ADAMTS19: variants seen among roughly 807,000 people sequenced by gnomAD.
The protein encoded by ADAMTS19 is ADAM metallopeptidase with thrombospondin type 1 motif 19, also known as A disintegrin and metalloproteinase with thrombospondin motifs 19.
Under a neutral mutation model 153.3 loss-of-function variants are expected in ADAMTS19, and 93 were observed. The ratio of observed to expected loss-of-function variants is 0.61; its 90% CI spans 0.51 to 0.72. The LOEUF is 0.72. ADAMTS19 is among the 30% of genes least tolerant of loss of function. ADAMTS19 has a pLI of 0.00. For synonymous variants in ADAMTS19, 600 were observed against 556.6 expected (o/e 1.08, Z -1.10); for missense variants, 1,482 against 1,552.1 (o/e 0.95, Z 0.76).
intron 6 of ADAMTS19, among the ~76,000 whole-genome samples, chr5:129,536,345 A>G (rs1297384091): frequency 2.6e-5 from 4 of 152,206 alleles, no homozygotes; most frequent in Non-Finnish European, 4.4e-5. Flanking sequence ...AAAAATGCAA[A>G]TCAAAACCAC....
At chr5:129,619,962 GAGT>G (rs1238425424) in intron 8 of ADAMTS19, among the ~76,000 whole-genome samples, 2 of 151,944 alleles carry the variant, frequency 1.3e-5, no homozygotes, top group Non-Finnish European at 2.9e-5. Flanking sequence ...TAGAATAGAG[GAGT>G]AAGTAGAGAA....
At chr5:129,497,137 A>C (rs1027580092) in intron 2 of ADAMTS19, among the ~76,000 whole-genome samples, 1 of 152,094 alleles carries the variant, frequency 6.6e-6, no homozygotes, top group Admixed American at 6.6e-5. Flanking sequence ...GCTTCCTCCG[A>C]GTGAACTAAA....
In ADAMTS19 at chr5:129,632,851, A is replaced by G. The variant is rs192991422; in HGVS notation, c.1771-9008A>G. Among the ~76,000 whole-genome samples the G allele has an allele frequency of 1.1e-3, 163 of 152,202 alleles. 1 individual carries two copies. Among genetic ancestry groups the G allele is most frequent in the Middle Eastern group, 3.4e-3 (1 of 292 alleles). On this transcript the variant is annotated intron_variant, in intron 10 of 22. Coordinates refer to ENST00000274487, the MANE Select transcript of ADAMTS19 (RefSeq NM_133638.6). The stretch of plus-strand genomic sequence containing the variant: ...ATCTTTGGTTTTCAGAAGCTTGACT[A>G]TAATGTGTCTACATATAATTTACTG...
At chr5:129,613,506 T>C (rs949572779) in intron 8 of ADAMTS19, among the ~76,000 whole-genome samples, 1 of 151,968 alleles carries the variant, frequency 6.6e-6, no homozygotes, top group African/African-American at 2.4e-5. Flanking sequence ...AGACACAACA[T>C]ACCAGAATCT....
intron 7 of ADAMTS19, among the ~76,000 whole-genome samples, chr5:129,588,068 AG>A (rs1395503831): frequency 1.7e-4 from 26 of 152,314 alleles, no homozygotes; most frequent in Middle Eastern, 6.8e-3. Flanking sequence ...TGTTCCCAAC[AG>A]GAATATTGGA....
chr5:129,550,082 A>T (rs1178560982), intron 6 of ADAMTS19, among the ~76,000 whole-genome samples: 1 of 98,326 alleles, frequency 1.0e-5, no homozygotes, highest in Non-Finnish European at 2.0e-5. Flanking sequence ...ATACATATAC[A>T]TGTATCTGTA....
chr5:129,561,819 A>ATCTATCTATCTAT (rs138761227), intron 7 of ADAMTS19, among the ~76,000 whole-genome samples: 2 of 148,060 alleles, frequency 1.4e-5, no homozygotes, highest in African/African-American at 5.0e-5. Context: ...ATTTCACCCT[A>ATCTATCTATCTAT]CTATCTATCT....
chr5:129,579,403 A>T (rs1749392100), intron 7 of ADAMTS19, among the ~76,000 whole-genome samples: 1 of 152,098 alleles, frequency 6.6e-6, no homozygotes, highest in Non-Finnish European at 1.5e-5. Flanking sequence ...GTTCACTCTG[A>T]TGGTAGTTTC....
intron 14 of ADAMTS19, among the ~76,000 whole-genome samples, chr5:129,656,354 A>G (rs1753546803): frequency 6.6e-6 from 1 of 152,212 alleles, no homozygotes; most frequent in African/African-American, 2.4e-5. Flanking sequence ...TTTTCTGACA[A>G]CCCTCAACAA....
intron 3 of ADAMTS19, among the ~76,000 whole-genome samples, chr5:129,521,346 T>C (rs1751791049): frequency 6.6e-6 from 1 of 152,136 alleles, no homozygotes; most frequent in Non-Finnish European, 1.5e-5. Context: ...ATCAAATAAA[T>C]ATGAAGATTC....
chr5:129,671,457 A>C (rs1754297292), intron 16 of ADAMTS19, among the ~76,000 whole-genome samples: 1 of 152,212 alleles, frequency 6.6e-6, no homozygotes, highest in South Asian at 2.1e-4. Context: ...GATGCATTTC[A>C]TAAATCACAT....
Position 129,603,254 on chromosome 5 carries a change from C to T in ADAMTS19, c.1478+6590C>T, listed in dbSNP as rs186503029. 4.6e-3 allele frequency among the ~76,000 whole-genome samples: 705 copies of T among 152,254 alleles called. 6 individuals are homozygous for T. The highest frequency in any genetic ancestry group is 7.3e-3 in the Non-Finnish European group (499 of 68,026). On this transcript the variant is annotated intron_variant, in intron 8 of 22. Transcript: ENST00000274487. ...AAGTCAGTGTTGCACTAGGAAGTTG[C>T]GTGTGAGTTGCCAGAAAGCCATTAT... is the stretch of plus-strand genomic sequence containing the variant.
rs79908621 is a variant in ADAMTS19, at chr5:129,674,954, A to G, written c.2507-4810A>G. ...AGAGTAAGTCTCCTGACATTTCTCA[A>G]ATTTTGTTTGTCTGAATATATTTTT... On this transcript the variant is annotated intron_variant, in intron 16 of 22. Transcript: ENST00000274487. Among the ~76,000 whole-genome samples the G allele has an allele frequency of 8.4e-3, 1,279 of 152,130 alleles. 20 individuals are homozygous for G. The highest frequency in any genetic ancestry group is 0.025 in the African/African-American group (1,036 of 41,514).
intron 16 of ADAMTS19, among the ~76,000 whole-genome samples, chr5:129,678,186 CTCCCT>C (rs1233300424): frequency 1.3e-5 from 2 of 152,100 alleles, no homozygotes; most frequent in East Asian, 3.9e-4. Flanking sequence ...TTTCTCCAGC[CTCCCT>C]TCATAATCTG....
chr5:129,486,810 A>G (rs1158471571), intron 2 of ADAMTS19, among the ~76,000 whole-genome samples: 1 of 152,228 alleles, frequency 6.6e-6, no homozygotes, highest in Non-Finnish European at 1.5e-5. Flanking sequence ...GAGGATAAGA[A>G]AAGAAGTAAA....
Position 129,528,592 on chromosome 5 carries a change from G to C in ADAMTS19, c.1243G>C (p.Gly415Arg), listed in dbSNP as rs778613452. ...TTGTAAGTGGCAACATGAAGAATTT[G>C]GCAAAAAGAATGATATACATTTAGA... Reference protein sequence around the residue: ...SFCKWQHEEFGKKNDIHLEMS... With the variant: ...SFCKWQHEEFRKKNDIHLEMS... The change falls in exon 6 of 23, where the codon GGC becomes CGC. Residue 415 changes from glycine to arginine, a missense_variant. Transcript: ENST00000274487. The C allele has an allele frequency of 6.2e-7, 1 of 1,607,080 alleles. No homozygotes were observed. Among genetic ancestry groups the C allele is most frequent in the Non-Finnish European group, 8.5e-7 (1 of 1,176,936 alleles).
intron 2 of ADAMTS19, among the ~76,000 whole-genome samples, chr5:129,488,978 C>T (rs1750682403): frequency 6.6e-6 from 1 of 152,096 alleles, no homozygotes; most frequent in African/African-American, 2.4e-5. Context: ...ACTGCAGACA[C>T]TTAACCTTTC....
intron 19 of ADAMTS19, 28 bp from the exon 20 acceptor site, chr5:129,701,360 T>C: frequency 1.2e-6 from 2 of 1,613,386 alleles, no homozygotes; most frequent in Non-Finnish European, 1.7e-6. Flanking sequence ...TTTTAACTTG[T>C]TTCCAGTGAC....
chr5:129,492,209 A>T (rs1750791026), intron 2 of ADAMTS19, among the ~76,000 whole-genome samples: 1 of 152,146 alleles, frequency 6.6e-6, no homozygotes, highest in African/African-American at 2.4e-5. Flanking sequence ...ACACACTTTT[A>T]AATGTGCGGC....
Sources: gnomAD v4.1 joint callset for allele counts (sites outside exome capture counted in the v4.1 genomes callset) on GRCh38, gnomAD v4.1.1 for gene constraint, MANE v1.5 for transcripts, NCBI Gene and HGNC (gene_info 2026-07-23, HGNC 2026-07-21) for gene names.